ADGRV1: variants seen among roughly 807,000 people sequenced by gnomAD.
ADGRV1 encodes adhesion G protein-coupled receptor V1, also known as G-protein coupled receptor 98.
Under a neutral mutation model 596.2 loss-of-function variants are expected in ADGRV1, and 359 were observed. The observed-to-expected ratio is 0.60, with a 90% confidence interval of 0.55 to 0.66. ADGRV1 has a LOEUF of 0.66. Among genes scored for constraint, ADGRV1 ranks in the 30% least tolerant of loss-of-function variants. The pLI, the probability that ADGRV1 is intolerant of heterozygous loss-of-function variation, is 0.00. For missense variants in ADGRV1, 7,274 were observed against 7,575.6 expected (o/e 0.96, Z 1.48); for synonymous variants, 2,681 against 2,679.2 (o/e 1.00, Z -0.02).
intron 85 of ADGRV1, among the ~76,000 whole-genome samples, chr5:91,031,678 G>A (rs1416202659): frequency 6.6e-6 from 1 of 152,124 alleles, no homozygotes; most frequent in Admixed American, 6.6e-5. Flanking sequence ...GATACCTGAG[G>A]TTATGTCTCA....
chr5:90,867,094 G>A (rs1217776002), intron 83 of ADGRV1, among the ~76,000 whole-genome samples: 1 of 151,974 alleles, frequency 6.6e-6, no homozygotes, highest in African/African-American at 2.4e-5. Flanking sequence ...GATAAGGCTG[G>A]TAAACAACTA....
chr5:90,569,415 T>TTTTTTTTTTC (rs1295993815), intron 1 of ADGRV1, among the ~76,000 whole-genome samples: 2 of 105,648 alleles, frequency 1.9e-5, no homozygotes, highest in African/African-American at 9.2e-5. Context: ...TTTTTTTTTT[T>TTTTTTTTTTC]CTCATTCTTA....
intron 83 of ADGRV1, among the ~76,000 whole-genome samples, chr5:90,952,770 T>C (rs1777158258): frequency 6.6e-6 from 1 of 152,144 alleles, no homozygotes; most frequent in African/African-American, 2.4e-5. Context: ...TTTATGTAGA[T>C]CTTGACTTGT....
At chr5:90,909,645 C>CAG (rs1296024413) in intron 83 of ADGRV1, among the ~76,000 whole-genome samples, 1 of 136,530 alleles carries the variant, frequency 7.3e-6, no homozygotes, top group African/African-American at 2.6e-5. Context: ...GAGAGAGAGA[C>CAG]AGAGAGAGAG....
At chr5:90,900,617 T>C (rs1179100833) in intron 83 of ADGRV1, among the ~76,000 whole-genome samples, 1 of 152,174 alleles carries the variant, frequency 6.6e-6, no homozygotes, top group African/African-American at 2.4e-5. Context: ...CAATGCTACC[T>C]GCATTTCTTT....
chr5:90,941,568 TAGGAGTCACTGCCAA>T (rs1378151863), intron 83 of ADGRV1, among the ~76,000 whole-genome samples: 1 of 152,186 alleles, frequency 6.6e-6, no homozygotes, highest in Admixed American at 6.5e-5. Context: ...GTTTTCACTC[TAGGAGTCACTGCCAA>T]CCCCATCCCC....
chr5:90,634,131 A>G (rs1765841618), intron 9 of ADGRV1, among the ~76,000 whole-genome samples: 1 of 152,308 alleles, frequency 6.6e-6, no homozygotes, highest in East Asian at 1.9e-4. Context: ...TGGTTTTTGC[A>G]GTCCTGTGAC....
intron 1 of ADGRV1, among the ~76,000 whole-genome samples, chr5:90,591,290 GGAGGCT>G (rs1194021457): frequency 1.3e-5 from 2 of 152,076 alleles, no homozygotes; most frequent in East Asian, 3.9e-4. Flanking sequence ...CAGCTACTTG[GGAGGCT>G]GAGGCATGAG....
chr5:90,684,169 T>G lies in ADGRV1; in HGVS notation c.6248T>G (p.Leu2083Ter), dbSNP rs1173328630. ...TTTATCGAACTACTCAACTCTACTT[T>G]AGTAGCGAAAGTACAGAGTCGTTCA... is the stretch of plus-strand genomic sequence containing the variant. ...SVFIELLNST[L>*]VAKVQSRSIP... is the part of the protein sequence containing the mutation. Residue 2083 changes from leucine (L) to a stop codon, truncating the protein, a stop_gained, in exon 28 of 90, where the codon TTA (leucine) becomes TGA (stop). Coordinates refer to ENST00000405460, the MANE Select transcript of ADGRV1 (RefSeq NM_032119.4). LOFTEE classifies it high-confidence loss of function. 1 of 1,612,796 alleles carries G rather than the reference T, an allele frequency of 6.2e-7. No individual in the cohort carries two copies. The highest frequency in any genetic ancestry group is 1.3e-5 in the African/African-American group (1 of 74,874).
chr5:90,889,435 G>A (rs1263121418), intron 83 of ADGRV1, among the ~76,000 whole-genome samples: 1 of 151,906 alleles, frequency 6.6e-6, no homozygotes, highest in Non-Finnish European at 1.5e-5. Flanking sequence ...AAGAGCTCAG[G>A]GCTCTTCCTT....
chr5:91,126,313 A>G (rs1189434655), intron 87 of ADGRV1, among the ~76,000 whole-genome samples: 1 of 152,142 alleles, frequency 6.6e-6, no homozygotes, highest in African/African-American at 2.4e-5. Flanking sequence ...CTCAACCCAA[A>G]CTGACATTTT....
chr5:91,068,118 T>C (rs531817964), intron 85 of ADGRV1, among the ~76,000 whole-genome samples: 3 of 152,164 alleles, frequency 2.0e-5, no homozygotes, highest in South Asian at 2.1e-4. Context: ...GAAATATGCC[T>C]TGTTTACGTG....
intron 85 of ADGRV1, among the ~76,000 whole-genome samples, chr5:91,051,382 C>T (rs1046599558): frequency 1.3e-5 from 2 of 152,030 alleles, no homozygotes; most frequent in African/African-American, 4.8e-5. Flanking sequence ...TAATAAATTA[C>T]ATGAGATATA....
intron 87 of ADGRV1, among the ~76,000 whole-genome samples, chr5:91,112,611 G>C (rs997624733): frequency 1.3e-5 from 2 of 152,104 alleles, no homozygotes; most frequent in African/African-American, 4.8e-5. Flanking sequence ...CATGTTAACT[G>C]ATAATTTTTT....
intron 83 of ADGRV1, among the ~76,000 whole-genome samples, chr5:90,897,544 G>T (rs1242736624): frequency 7.2e-6 from 1 of 139,090 alleles, no homozygotes; most frequent in Non-Finnish European, 1.5e-5. Flanking sequence ...CAACAAATAC[G>T]AATATCATTG....
chr5:90,794,946 G>A (rs1760508822), intron 70 of ADGRV1, among the ~76,000 whole-genome samples: 1 of 151,990 alleles, frequency 6.6e-6, no homozygotes, highest in Non-Finnish European at 1.5e-5. Flanking sequence ...ATGCATTCTG[G>A]CCCAGATACT....
At chr5:91,143,826 T>C (rs1469697234) in intron 87 of ADGRV1, among the ~76,000 whole-genome samples, 1 of 152,098 alleles carries the variant, frequency 6.6e-6, no homozygotes, top group Non-Finnish European at 1.5e-5. Context: ...AGGCCATTCA[T>C]ATGGAGGGGT....
At chr5:90,909,744 A>C (rs1772678284) in intron 83 of ADGRV1, among the ~76,000 whole-genome samples, 1 of 152,204 alleles carries the variant, frequency 6.6e-6, no homozygotes, top group Non-Finnish European at 1.5e-5. Flanking sequence ...TCAAGTTTGC[A>C]CCTCAAAAGT....
At chr5:90,879,689 G>A (rs1260928323) in intron 83 of ADGRV1, among the ~76,000 whole-genome samples, 1 of 152,014 alleles carries the variant, frequency 6.6e-6, no homozygotes, top group Admixed American at 6.6e-5. Flanking sequence ...GCTTGTGCCT[G>A]TAATCCCGAC....
Sources: gnomAD v4.1 joint callset for allele counts (sites outside exome capture counted in the v4.1 genomes callset) on GRCh38, gnomAD v4.1.1 for gene constraint, MANE v1.5 for transcripts, NCBI Gene and HGNC (gene_info 2026-07-23, HGNC 2026-07-21) for gene names.